SYNE2: variants seen among roughly 807,000 people sequenced by gnomAD.
The protein encoded by SYNE2 is spectrin repeat containing nuclear envelope protein 2.
SYNE2 carries 431 observed loss-of-function variants against 856.3 expected under a neutral mutation model. The observed-to-expected ratio is 0.50, with a 90% CI of 0.47 to 0.55. The LOEUF (loss-of-function observed/expected upper bound fraction) is 0.55. Among genes scored for constraint, SYNE2 ranks in the 20% least tolerant of loss-of-function variants. The pLI is 0.00. For missense variants in SYNE2, 8,129 were observed against 8,023.2 expected, an observed-to-expected ratio of 1.01 and a Z score of -0.50; for synonymous variants, 2,923 against 2,872.3, an observed-to-expected ratio of 1.02 and a Z score of -0.56.
At chr14:63,969,383 CATGCTGGA>C (rs2096444771) in intron 11 of SYNE2, among the ~76,000 whole-genome samples, 1 of 140,028 alleles carries the variant, frequency 7.1e-6, no homozygotes. Flanking sequence ...GTTCTGTCGC[CATGCTGGA>C]GTGCAGGGGT....
At chr14:64,211,056 A>C (rs1208588458) in intron 103 of SYNE2, among the ~76,000 whole-genome samples, 1 of 151,900 alleles carries the variant, frequency 6.6e-6, no homozygotes, top group Admixed American at 6.6e-5. Context: ...ATCATAGCTC[A>C]CTGCAGCCTC....
In SYNE2 at chr14:64,199,115, C is replaced by T. The variant is rs1243178815; in HGVS notation, c.18039-3686C>T. Reference sequence around the variant, plus strand: ...TGAGCCTTCCAGCCTCCTCCCCAGGCACCTGCTAAGAGCCCAGGTTGTAGC... The same window carrying T: ...TGAGCCTTCCAGCCTCCTCCCCAGGTACCTGCTAAGAGCCCAGGTTGTAGC... On this transcript the variant is annotated intron_variant, in intron 99 of 115. Coordinates refer to ENST00000555002, the MANE Select transcript of SYNE2 (RefSeq NM_182914.3). Among the ~76,000 whole-genome samples, 5 of 152,214 alleles carry T rather than the reference C, an allele frequency of 3.3e-5. No homozygotes were observed. The South Asian group carries it at 1.0e-3, about 32-fold the overall frequency.
chr14:64,214,650 A>G, intron 106 of SYNE2, 180 bp downstream of exon 106: 3 of 635,164 alleles, frequency 4.7e-6, no homozygotes, highest in African/African-American at 1.8e-5. Flanking sequence ...GCTCACTCTC[A>G]TCACAGGTGG....
chr14:64,142,201 G>A, intron 82 of SYNE2, 113 bp downstream of exon 82: 1 of 1,254,800 alleles, frequency 8.0e-7, no homozygotes, highest in Non-Finnish European at 1.1e-6. Flanking sequence ...TAATTCTAGG[G>A]GTAGGAAACT....
At chr14:64,221,919 C>G (rs1479294470) in intron 112 of SYNE2, among the ~76,000 whole-genome samples, 1 of 152,234 alleles carries the variant, frequency 6.6e-6, no homozygotes, top group Non-Finnish European at 1.5e-5. Flanking sequence ...TGGAGAGCCA[C>G]AGTCCACAGA....
chr14:64,221,164 G>A (rs988741954), intron 111 of SYNE2, among the ~76,000 whole-genome samples: 1 of 152,166 alleles, frequency 6.6e-6, no homozygotes, highest in African/African-American at 2.4e-5. Context: ...CACAGCGGGT[G>A]TGAGCTCTGC....
intron 64 of SYNE2, among the ~76,000 whole-genome samples, chr14:64,102,625 C>G (rs1050986815): frequency 6.6e-6 from 1 of 150,848 alleles, no homozygotes; most frequent in Non-Finnish European, 1.5e-5. Context: ...TATGCATTAC[C>G]TCACATATTT....
At position 63,942,274 on chromosome 14, in the gene SYNE2, A is replaced by C. The variant is rs1008904592; in HGVS notation, c.408+131A>C. 1.2e-5 allele frequency: 8 copies of C among 680,450 alleles called. No homozygotes were observed. In the African/African-American group the frequency reaches 1.4e-4, roughly 12 times the overall value. 42.2% of individuals were successfully genotyped at this position (680,450 alleles called of 1,614,324 possible). ...TAAATAGGACCTCTGAAAATCTTGA[A>C]GAGGTAGAAAATAATAGCAGACTTT... On this transcript the variant is annotated intron_variant, in intron 6 of 115. Transcript: ENST00000555002.
In SYNE2 at chr14:64,223,216, C is replaced by T; in HGVS notation, c.20218C>T (p.Gln6740Ter). The part of the protein sequence containing the change: ...MQLEKELVER[Q>*]PQVDMLQEIS... The stretch of plus-strand genomic sequence containing the variant: ...ACTGGAAAAGGAGCTGGTAGAACGT[C>T]AACCTCAAGTGGACATGTTACAGGA... Residue 6740 changes from glutamine to a stop codon, truncating the protein, a stop_gained, in exon 113 of 116, where the codon CAA (glutamine) becomes TAA (stop). Transcript: ENST00000555002. LOFTEE classifies it high-confidence loss of function. 6.2e-7 allele frequency: 1 copy of T among 1,614,016 alleles called. No individual in the cohort carries two copies. Among genetic ancestry groups the T allele is most frequent in the Non-Finnish European group, 8.5e-7 (1 of 1,179,968 alleles).
intron 1 of SYNE2, among the ~76,000 whole-genome samples, chr14:63,775,173 G>C (rs144667231): frequency 6.6e-6 from 1 of 151,744 alleles, no homozygotes; most frequent in Non-Finnish European, 1.5e-5. Context: ...ATGGGGTTTC[G>C]CCATGTTGGT....
At chr14:63,816,997 T>C (rs557609582) in intron 1 of SYNE2, among the ~76,000 whole-genome samples, 1 of 152,300 alleles carries the variant, frequency 6.6e-6, no homozygotes, top group African/African-American at 2.4e-5. Flanking sequence ...CCCTCCTGCC[T>C]CAGCCTTCTG....
At chr14:64,067,631 TAA>T (rs1255325991) in intron 51 of SYNE2, among the ~76,000 whole-genome samples, 2 of 152,240 alleles carry the variant, frequency 1.3e-5, no homozygotes, top group East Asian at 3.8e-4. Context: ...GTTTATGAAA[TAA>T]AGTTTATATT....
At chr14:64,071,477 G>C (rs2097407252) in intron 52 of SYNE2, among the ~76,000 whole-genome samples, 2 of 152,170 alleles carry the variant, frequency 1.3e-5, no homozygotes, top group South Asian at 4.1e-4. Context: ...CTGGGTGACA[G>C]AGTGAGACTC....
intron 99 of SYNE2, among the ~76,000 whole-genome samples, chr14:64,199,905 C>T (rs1215852727): frequency 6.6e-6 from 1 of 152,018 alleles, no homozygotes; most frequent in African/African-American, 2.4e-5. Context: ...TATTCCTACA[C>T]CCCATTGGTT....
At chr14:64,113,696 C>T in intron 66 of SYNE2, 125 bp downstream of exon 66, 2 of 1,080,992 alleles carry the variant, frequency 1.9e-6, no homozygotes, top group Non-Finnish European at 2.7e-6. Context: ...TTTATCTTGG[C>T]CTCAGCTTTT....
chr14:64,056,041 C>T lies in SYNE2; in HGVS notation c.9842C>T (p.Pro3281Leu), dbSNP rs1393582079. ...ACTTCCCTCGAAGCCATCATTATAC[C>T]CTACAGAGTAGATGTTGGTAATCCA... ...SITSLEAIII[P>L]YRVDVGNPEE... Residue 3281 changes from proline (P) to leucine (L), a missense_variant, in exon 49 of 116, where the codon CCC (proline) becomes CTC (leucine). By Grantham distance (98) the Pro-to-Leu change is moderately conservative. Around this residue, in one of 3 missense-constraint regions of SYNE2, gnomAD observed 5,410 missense variants for 5,284.8 expected, o/e 1.02. Transcript: ENST00000555002. 4.3e-6 allele frequency: 7 copies of T among 1,613,940 alleles called. No homozygotes were observed. The highest frequency in any genetic ancestry group is 5.9e-6 in the Non-Finnish European group (7 of 1,179,972).
At chr14:63,990,804 A>G (rs1348826935) in intron 20 of SYNE2, 138 bp from the exon 21 acceptor site, 1 of 805,872 alleles carries the variant, frequency 1.2e-6, no homozygotes, top group Admixed American at 2.2e-5. Context: ...ATAGATTTAT[A>G]ATTTAGATAG....
At chr14:63,968,987 C>CCT (rs1192544338) in intron 11 of SYNE2, among the ~76,000 whole-genome samples, 1 of 152,114 alleles carries the variant, frequency 6.6e-6, no homozygotes, top group Non-Finnish European at 1.5e-5. Context: ...CCCCTTACTG[C>CCT]CCTTCCCAGC....
intron 60 of SYNE2, among the ~76,000 whole-genome samples, chr14:64,092,536 T>C (rs952120765): frequency 6.6e-6 from 1 of 152,246 alleles, no homozygotes; most frequent in African/African-American, 2.4e-5. Context: ...TTCCAGCCTA[T>C]GGCTAAAATT....
Sources: allele counts gnomAD v4.1 joint callset (sites outside exome capture counted in the v4.1 genomes callset), GRCh38; gene constraint gnomAD v4.1.1; regional missense constraint gnomAD v4.1.1; transcripts MANE v1.5; gene names NCBI Gene and HGNC (gene_info 2026-07-23, HGNC 2026-07-21).